The following LRTM3 variants were observed in gnomAD, a reference collection of about 807,000 sequenced individuals.
LRTM3 encodes leucine rich repeat transmembrane protein 3.
the LRTM3 span, chr13:102,742,863 TATC>T: frequency 7.1e-6 from 11 of 1,550,726 alleles, no homozygotes; most frequent in Non-Finnish European, 9.6e-6. Flanking sequence ...ATGTTCTGTT[TATC>T]ATATTTGTTT....
At chr13:102,746,341 T>C in the LRTM3 span, 1 of 1,550,786 alleles carries the variant, frequency 6.4e-7, no homozygotes. Context: ...TGTCATGGGA[T>C]ATGCTATTCT....
the LRTM3 span, chr13:102,733,698 C>T: frequency 6.4e-7 from 1 of 1,551,332 alleles, no homozygotes; most frequent in Non-Finnish European, 8.7e-7. Context: ...CTTATGGTAC[C>T]AAACCCTGTG....
chr13:102,752,450 G>T, the LRTM3 span, among the ~76,000 whole-genome samples: 2 of 152,240 alleles, frequency 1.3e-5, no homozygotes, highest in African/African-American at 4.8e-5. Flanking sequence ...CTACCCTGCA[G>T]GCTGCAACCT....
chr13:102,742,047 G>A, the LRTM3 span: 1 of 1,550,442 alleles, frequency 6.4e-7, no homozygotes, highest in Non-Finnish European at 8.7e-7. Context: ...AGCTTTGGCT[G>A]TGGAAGAATG....
chr13:102,736,377 C>T, the LRTM3 span: 71 of 1,550,960 alleles, frequency 4.6e-5, no homozygotes, highest in Non-Finnish European at 6.0e-5. Context: ...AAAACGGCAC[C>T]ATTGGGGTGC....
At chr13:102,745,667 A>G in the LRTM3 span, 2 of 1,551,094 alleles carry the variant, frequency 1.3e-6, no homozygotes, top group Non-Finnish European at 1.7e-6. Flanking sequence ...GCAGGAACCA[A>G]AAATCGCTGT....
the LRTM3 span, chr13:102,743,525 T>C: frequency 6.5e-7 from 1 of 1,548,976 alleles, no homozygotes; most frequent in Non-Finnish European, 8.7e-7. Context: ...AGTTAAACAT[T>C]TGGGATTCAA....
the LRTM3 span, chr13:102,735,690 C>T: frequency 6.4e-7 from 1 of 1,551,112 alleles, no homozygotes; most frequent in East Asian, 2.4e-5. Context: ...TGCACTGGTC[C>T]TTTTGAGTTG....
At chr13:102,741,512 TTTCTGTTAATGTACACATC>T in the LRTM3 span, 1 of 1,549,530 alleles carries the variant, frequency 6.5e-7, no homozygotes, top group South Asian at 1.2e-5. Context: ...TGAACTAATT[TTTCTGTTAATGTACACATC>T]TTCTTCCTCA....
the LRTM3 span, chr13:102,746,615 G>C: frequency 2.6e-6 from 4 of 1,551,142 alleles, no homozygotes; most frequent in South Asian, 3.6e-5. Context: ...GGGCTTCGCT[G>C]TACTTGTTGT....
At chr13:102,743,364 T>A in the LRTM3 span, 3 of 1,550,578 alleles carry the variant, frequency 1.9e-6, no homozygotes, top group Non-Finnish European at 2.6e-6. Flanking sequence ...GTGAAGGAAG[T>A]TGTATTTGGA....
chr13:102,729,468 T>C, the LRTM3 span: 3 of 1,454,738 alleles, frequency 2.1e-6, no homozygotes, highest in East Asian at 2.5e-5. Context: ...TGAAAAACGG[T>C]AGTAAGGGAC....
At chr13:102,744,936 G>A in the LRTM3 span, 1 of 1,550,484 alleles carries the variant, frequency 6.4e-7, no homozygotes, top group Non-Finnish European at 8.7e-7. Context: ...CTATCAGTTG[G>A]TACACCACGT....
the LRTM3 span, chr13:102,731,591 T>C: frequency 6.4e-7 from 1 of 1,551,470 alleles, no homozygotes; most frequent in Non-Finnish European, 8.7e-7. Flanking sequence ...TTGTATGTTA[T>C]CTAGTTTATC....
At chr13:102,732,444 T>A in the LRTM3 span, 1 of 1,551,196 alleles carries the variant, frequency 6.4e-7, no homozygotes, top group Admixed American at 2.0e-5. Context: ...TTCAGATCTC[T>A]TATTGTTAAT....
the LRTM3 span, chr13:102,741,475 C>T: frequency 2.9e-4 from 454 of 1,549,508 alleles, 2 homozygotes; most frequent in African/African-American, 5.1e-3. Context: ...TATCAGTTTC[C>T]TTTAATCCTT....
the LRTM3 span, chr13:102,733,667 C>A: frequency 6.4e-7 from 1 of 1,551,296 alleles, no homozygotes. Context: ...TGTAAAGAGC[C>A]ATTCCGGCCT....
the LRTM3 span, chr13:102,737,090 G>A: frequency 6.4e-7 from 1 of 1,551,146 alleles, no homozygotes; most frequent in Non-Finnish European, 8.7e-7. Context: ...ACTGCTGCCA[G>A]GGATATTGAG....
At chr13:102,732,381 G>A in the LRTM3 span, 2 of 1,551,332 alleles carry the variant, frequency 1.3e-6, no homozygotes, top group Non-Finnish European at 1.7e-6. Flanking sequence ...AGCATCTGTG[G>A]AATTGGGTGA....
Sources: allele counts gnomAD v4.1 joint callset (sites outside exome capture counted in the v4.1 genomes callset), GRCh38; gene constraint gnomAD v4.1.1; transcripts MANE v1.5; gene names NCBI Gene and HGNC (gene_info 2026-07-23, HGNC 2026-07-21).